Variants in ALDH1A2 observed in about 807,000 individuals in gnomAD.
The protein encoded by ALDH1A2 is retinal dehydrogenase 2.
In ALDH1A2, 27 loss-of-function variants were observed where a neutral mutation model predicts 60.3. The observed-to-expected ratio is 0.45, with a 90% CI of 0.33 to 0.62. The LOEUF is 0.62. ALDH1A2 is among the 20% of genes least tolerant of loss of function. The pLI, the probability that ALDH1A2 is intolerant of heterozygous loss-of-function variation, is 0.02. For missense variants in ALDH1A2, 581 were observed against 643.8 expected, an observed-to-expected ratio of 0.90 and a Z score of 1.06; for synonymous variants, 289 against 232.4, an observed-to-expected ratio of 1.24 and a Z score of -2.21.
intron 1 of ALDH1A2, among the ~76,000 whole-genome samples, chr15:58,021,865 T>A (rs535783353): frequency 5.4e-4 from 82 of 152,296 alleles, no homozygotes; most frequent in Non-Finnish European, 8.2e-4. Context: ...GAGACACAAG[T>A]TGCTGCTGGA....
intron 1 of ALDH1A2, among the ~76,000 whole-genome samples, chr15:58,064,726 G>A (rs1357829922): frequency 6.6e-6 from 1 of 152,004 alleles, no homozygotes; most frequent in Non-Finnish European, 1.5e-5. Flanking sequence ...GTTTGTAATC[G>A]ATCATTTTTT....
rs567321228 is a variant in ALDH1A2, at chr15:58,007,945, T to TC, written c.493+2703dup. Among the ~76,000 whole-genome samples the TC allele has an allele frequency of 1.6e-3, 243 of 152,200 alleles. 3 individuals carry two copies. The highest frequency in any genetic ancestry group is 3.0e-3 in the Non-Finnish European group (204 of 67,986). ...ATTACGATACCCCTTTCTGTGATCT[T>TC]CCCCTATGACTCCCCTGATTTAGTC... On this transcript the variant is annotated intron_variant, in intron 4 of 12. Coordinates refer to ENST00000249750, the MANE Select transcript of ALDH1A2 (RefSeq NM_003888.4).
At chr15:58,051,184 C>G (rs1896770432) in intron 1 of ALDH1A2, among the ~76,000 whole-genome samples, 1 of 152,110 alleles carries the variant, frequency 6.6e-6, no homozygotes, top group Non-Finnish European at 1.5e-5. Flanking sequence ...GATGCTTCCT[C>G]TTACCCCAGG....
In ALDH1A2 at chr15:57,953,600, CAG is replaced by C. The variant is rs1893419404; in HGVS notation, c.*1595_*1596del. The C allele has an allele frequency of 6.5e-6, 1 of 152,706 alleles. No homozygotes were observed. Among genetic ancestry groups the C allele is most frequent in the South Asian group, 2.1e-4 (1 of 4,824 alleles). 9.5% of individuals were successfully genotyped at this position (152,706 alleles called of 1,614,324 possible). ...AGGGCAGCATTCACATGGAAGCACT[CAG>C]AAATACGGCATCTGTCAGGGCTCAC... On this transcript the variant is annotated 3_prime_UTR_variant, in exon 13 of 13. Transcript: ENST00000249750.
chr15:57,989,060 A>C (rs375086800), intron 7 of ALDH1A2, among the ~76,000 whole-genome samples: 1 of 152,162 alleles, frequency 6.6e-6, no homozygotes, highest in East Asian at 1.9e-4. Flanking sequence ...CCCAGCTACG[A>C]ATCACTTGAA....
rs114007065 is a variant in ALDH1A2, at chr15:58,014,882, T to C, written c.118-601A>G. On this transcript the variant is annotated intron_variant, in intron 1 of 12. Coordinates refer to ENST00000249750, the MANE Select transcript of ALDH1A2 (RefSeq NM_003888.4). ...GCCAAAAAAGATGGGGATGGGGAGT[T>C]AGCAAGTGGGGTGTAATTTTCAAAT... is the stretch of plus-strand genomic sequence containing the variant. Among the ~76,000 whole-genome samples the C allele has an allele frequency of 6.8e-3, 1,028 of 152,234 alleles. 13 individuals carry two copies. The highest frequency in any genetic ancestry group is 0.023 in the African/African-American group (975 of 41,524).
At chr15:58,065,320 G>T in intron 1 of ALDH1A2, 1 of 597,462 alleles carries the variant, frequency 1.7e-6, no homozygotes, top group Non-Finnish European at 3.0e-6. Flanking sequence ...GCTTCGGGTT[G>T]GGTTAAGTCC....
intron 1 of ALDH1A2, among the ~76,000 whole-genome samples, chr15:58,060,459 ATATCT>A (rs1405244418): frequency 0.019 from 2,538 of 136,102 alleles, 30 homozygotes; most frequent in Middle Eastern, 0.035. Context: ...GATGCCACAC[ATATCT>A]TTTTTTTTTT....
chr15:57,974,432 C>CAAAAAAAA (rs61170362), intron 7 of ALDH1A2, among the ~76,000 whole-genome samples: 1 of 96,712 alleles, frequency 1.0e-5, no homozygotes, highest in African/African-American at 4.5e-5. Flanking sequence ...GACTCCATCT[C>CAAAAAAAA]AAAAAAAAAA....
intron 7 of ALDH1A2, among the ~76,000 whole-genome samples, chr15:57,969,023 T>C (rs975142996): frequency 1.3e-5 from 2 of 152,202 alleles, no homozygotes; most frequent in African/African-American, 4.8e-5. Flanking sequence ...AAATCTCAGA[T>C]GAATGATACC....
At chr15:58,059,989 C>G (rs1227915939) in intron 1 of ALDH1A2, among the ~76,000 whole-genome samples, 1 of 152,190 alleles carries the variant, frequency 6.6e-6, no homozygotes, top group Admixed American at 6.5e-5. Context: ...ATGGTATGAT[C>G]TGAGCTTATT....
intron 1 of ALDH1A2, among the ~76,000 whole-genome samples, chr15:58,038,003 G>A (rs1896420626): frequency 2.0e-5 from 3 of 151,330 alleles, no homozygotes. Flanking sequence ...TTTCCCCCGT[G>A]GGGCCTTCCC....
intron 1 of ALDH1A2, among the ~76,000 whole-genome samples, chr15:58,043,197 TG>T (rs1469116428): frequency 1.3e-5 from 2 of 151,986 alleles, no homozygotes; most frequent in African/African-American, 4.8e-5. Flanking sequence ...ATACAAATCT[TG>T]TTTCCAGGCT....
rs1395149803 is a variant in ALDH1A2 at position 58,014,189 on chromosome 15, T to A, written c.210A>T (p.Gln70His). 6.2e-7 allele frequency: 1 copy of A among 1,614,152 alleles called. No homozygotes were observed. Among genetic ancestry groups the A allele is most frequent in the Non-Finnish European group, 8.5e-7 (1 of 1,179,982 alleles). The change falls in exon 2 of 13, where the codon CAA (glutamine) becomes CAT (histidine). Residue 70 changes from glutamine (Q) to histidine (H), a missense_variant. By Grantham distance (24) the Gln-to-His change is conservative (BLOSUM62 0). Transcript: ENST00000249750. ...PATGEQVCEV[Q>H]EADKADIDKA... ...ACAAAAGACATACCTTGTCTGCTTCTTGAACTTCACACACCTGTTCTCCTG... is the reference window on the plus strand; with the variant it reads ...ACAAAAGACATACCTTGTCTGCTTCATGAACTTCACACACCTGTTCTCCTG...
At chr15:58,054,909 TCTC>T (rs1331829534) in intron 1 of ALDH1A2, among the ~76,000 whole-genome samples, 32 of 152,210 alleles carry the variant, frequency 2.1e-4, no homozygotes, top group South Asian at 6.2e-4. Context: ...GTATCAATTC[TCTC>T]CTTTTTTTAA....
At chr15:58,017,374 T>A (rs1180772572) in intron 1 of ALDH1A2, among the ~76,000 whole-genome samples, 2 of 152,222 alleles carry the variant, frequency 1.3e-5, no homozygotes. Flanking sequence ...AGACATTATG[T>A]AGAAATTTTA....
At chr15:57,963,585 C>T (rs991006052) in intron 9 of ALDH1A2, among the ~76,000 whole-genome samples, 3 of 151,986 alleles carry the variant, frequency 2.0e-5, no homozygotes, top group Non-Finnish European at 2.9e-5. Context: ...CCTCATGATC[C>T]GCCCGCCTCG....
chr15:58,039,923 G>C (rs1413308717), intron 1 of ALDH1A2, among the ~76,000 whole-genome samples: 8 of 151,902 alleles, frequency 5.3e-5, no homozygotes, highest in Non-Finnish European at 4.4e-5. Context: ...CACTGTGCTA[G>C]GCATTGGAAG....
intron 7 of ALDH1A2, among the ~76,000 whole-genome samples, chr15:57,978,669 G>A (rs902062425): frequency 3.3e-5 from 5 of 152,172 alleles, no homozygotes; most frequent in African/African-American, 9.7e-5. Context: ...GTACTTGGAG[G>A]GGCATGTGGC....
Sources: allele counts gnomAD v4.1 joint callset (sites outside exome capture counted in the v4.1 genomes callset), GRCh38; gene constraint gnomAD v4.1.1; transcripts MANE v1.5; gene names NCBI Gene and HGNC (gene_info 2026-07-23, HGNC 2026-07-21).